Variants in SMIM14 observed in about 807,000 individuals in gnomAD.
SMIM14 encodes small integral membrane protein 14, also known as chromosome 4 open reading frame 34.
Under a neutral mutation model 12.6 loss-of-function variants are expected in SMIM14, and 5 were observed. That is an observed-to-expected ratio of 0.40 (90% CI 0.21 to 0.83). The LOEUF (loss-of-function observed/expected upper bound fraction) is 0.83. Among genes scored for constraint, SMIM14 ranks in the 40% least tolerant of loss-of-function variants. The probability of loss-of-function intolerance (pLI) is 0.37; values close to 1 mark genes in which losing one functional copy is unlikely to be tolerated. For synonymous variants in SMIM14, 30 were observed against 40.1 expected (o/e 0.75, Z 0.95); for missense variants, 86 against 119.1 (o/e 0.72, Z 1.29).
rs141083033 is a variant in SMIM14, at chr4:39,555,424, G to C, written c.267+1004C>G. ...ATTTTTTGTATTTTAGTAGAGACAG[G>C]GTTTCACCATGTTGCCCAGGGTGGT... On this transcript the variant is annotated intron_variant, in intron 4 of 4. Transcript: ENST00000295958. Among the ~76,000 whole-genome samples the C allele has an allele frequency of 2.6e-5, 4 of 151,934 alleles. No homozygotes were observed. The East Asian group carries it at 7.8e-4, about 30-fold the overall frequency.
At chr4:39,553,812 T>G (rs892697927) in intron 4 of SMIM14, among the ~76,000 whole-genome samples, 6 of 152,010 alleles carry the variant, frequency 3.9e-5, no homozygotes, top group Non-Finnish European at 8.8e-5. Flanking sequence ...TAGGCTGGTC[T>G]TGAACTCCTG....
chr4:39,564,645 G>A (rs1416418235), intron 3 of SMIM14, among the ~76,000 whole-genome samples: 1 of 152,146 alleles, frequency 6.6e-6, no homozygotes, highest in South Asian at 2.1e-4. Flanking sequence ...AACCTGAATG[G>A]AAAGCATCCT....
chr4:39,608,588 G>C (rs977259575), intron 1 of SMIM14, among the ~76,000 whole-genome samples: 7 of 152,182 alleles, frequency 4.6e-5, no homozygotes, highest in East Asian at 1.9e-4. Flanking sequence ...TATCTAGCTA[G>C]AATAGGCAAA....
chr4:39,627,660 T>G (rs1425042899), intron 1 of SMIM14, among the ~76,000 whole-genome samples: 1 of 152,236 alleles, frequency 6.6e-6, no homozygotes, highest in African/African-American at 2.4e-5. Flanking sequence ...TATAGTGCTC[T>G]GGAGTGTGTG....
intron 2 of SMIM14, among the ~76,000 whole-genome samples, chr4:39,600,460 C>T (rs912762359): frequency 1.3e-5 from 2 of 151,870 alleles, no homozygotes; most frequent in African/African-American, 4.8e-5. Context: ...GAGGCCGAGG[C>T]GGGTGGATCA....
intron 2 of SMIM14, among the ~76,000 whole-genome samples, chr4:39,595,261 G>A (rs1714304793): frequency 1.3e-5 from 2 of 150,240 alleles, no homozygotes; most frequent in African/African-American, 4.9e-5. Flanking sequence ...GTAGGGACAT[G>A]GATGAAATTG....
At chr4:39,609,933 T>C (rs1714963602) in intron 1 of SMIM14, among the ~76,000 whole-genome samples, 1 of 152,216 alleles carries the variant, frequency 6.6e-6, no homozygotes, top group African/African-American at 2.4e-5. Flanking sequence ...TCATAAATGG[T>C]GTTAGCTCCC....
chr4:39,622,462 A>G (rs1715537415), intron 1 of SMIM14, among the ~76,000 whole-genome samples: 1 of 152,086 alleles, frequency 6.6e-6, no homozygotes, highest in South Asian at 2.1e-4. Context: ...GTGCAGTGGC[A>G]CGGTCTCGGC....
At chr4:39,599,313 G>A (rs1028284217) in intron 2 of SMIM14, among the ~76,000 whole-genome samples, 3 of 152,152 alleles carry the variant, frequency 2.0e-5, no homozygotes, top group Non-Finnish European at 4.4e-5. Context: ...AGATCACACA[G>A]GACCATGTAA....
intron 2 of SMIM14, among the ~76,000 whole-genome samples, chr4:39,581,253 T>C (rs1453173507): frequency 6.6e-6 from 1 of 152,150 alleles, no homozygotes; most frequent in African/African-American, 2.4e-5. Flanking sequence ...CCTAAACATT[T>C]TATATTCTCC....
At chr4:39,567,747 G>GA (rs1300684363) in intron 3 of SMIM14, among the ~76,000 whole-genome samples, 39 of 147,716 alleles carry the variant, frequency 2.6e-4, no homozygotes, top group East Asian at 8.0e-4. Context: ...CAAAAGAAAG[G>GA]AAAAAAAAAA....
At chr4:39,619,198 TTC>T (rs1715344256) in intron 1 of SMIM14, among the ~76,000 whole-genome samples, 3 of 143,474 alleles carry the variant, frequency 2.1e-5, no homozygotes, top group Admixed American at 7.1e-5. Flanking sequence ...ATTTAATTTA[TTC>T]TATATATCAA....
At chr4:39,592,448 TAAGAG>T (rs1714153471) in intron 2 of SMIM14, among the ~76,000 whole-genome samples, 1 of 152,120 alleles carries the variant, frequency 6.6e-6, no homozygotes, top group South Asian at 2.1e-4. Flanking sequence ...GAGGCAGTAG[TAAGAG>T]AAGTTCCAAC....
At chr4:39,624,442 A>G (rs1204063515) in intron 1 of SMIM14, among the ~76,000 whole-genome samples, 3 of 152,214 alleles carry the variant, frequency 2.0e-5, no homozygotes, top group African/African-American at 2.4e-5. Flanking sequence ...CATCTGCCAG[A>G]TATGACCAAT....
chr4:39,626,146 A>G (rs1715690310), intron 1 of SMIM14, among the ~76,000 whole-genome samples: 1 of 152,142 alleles, frequency 6.6e-6, no homozygotes, highest in African/African-American at 2.4e-5. Context: ...GATCCTTATG[A>G]AAAAATAATG....
intron 2 of SMIM14, among the ~76,000 whole-genome samples, chr4:39,599,504 C>T (rs1180626933): frequency 6.6e-6 from 1 of 152,108 alleles, no homozygotes; most frequent in Non-Finnish European, 1.5e-5. Context: ...CTAAATGCAG[C>T]AATCCAGGCA....
chr4:39,575,360 T>A (rs566501550), intron 2 of SMIM14, among the ~76,000 whole-genome samples: 29 of 151,872 alleles, frequency 1.9e-4, no homozygotes, highest in East Asian at 3.9e-4. Flanking sequence ...CAGATTTTTT[T>A]AAAAAATTAA....
chr4:39,618,648 TCAAAAAAAAAAAAAAA>T (rs958231276), intron 1 of SMIM14, among the ~76,000 whole-genome samples: 9 of 26,954 alleles, frequency 3.3e-4, no homozygotes, highest in African/African-American at 1.1e-3. Flanking sequence ...AGACTCCATC[TCAAAAAAAAAAAAAAA>T]CAAAAAAAAA....
At chr4:39,584,793 CAA>C (rs34970724) in intron 2 of SMIM14, among the ~76,000 whole-genome samples, 9 of 76,292 alleles carry the variant, frequency 1.2e-4, no homozygotes, top group South Asian at 5.7e-4. Flanking sequence ...AGGACCTTGT[CAA>C]AAAAAAAAAA....
Sources: gnomAD v4.1 joint callset for allele counts (sites outside exome capture counted in the v4.1 genomes callset) on GRCh38, gnomAD v4.1.1 for gene constraint, MANE v1.5 for transcripts, NCBI Gene and HGNC (gene_info 2026-07-23, HGNC 2026-07-21) for gene names.